The following NRXN1 variants were observed in gnomAD, a reference collection of about 807,000 sequenced individuals.
The protein encoded by NRXN1 is neurexin 1, also known as neurexin-1.
A neutral mutation model predicts 150.9 loss-of-function variants in NRXN1; 39 were observed. That is an observed-to-expected ratio of 0.26 (90% confidence interval 0.20 to 0.34). The LOEUF (loss-of-function observed/expected upper bound fraction) is 0.34, where lower values mean the gene tolerates loss of function less well. NRXN1 is among the 10% of genes least tolerant of loss of function. The pLI is 1.00. For synonymous variants in NRXN1, 924 were observed against 757.0 expected (o/e 1.22, Z -3.62); for missense variants, 1,815 against 1,949.9 (o/e 0.93, Z 1.30).
intron 8 of NRXN1, among the ~76,000 whole-genome samples, chr2:50,598,437 T>A (rs1038098338): frequency 2.4e-4 from 36 of 151,550 alleles, no homozygotes; most frequent in East Asian, 7.8e-4. Flanking sequence ...TAAACTTTTT[T>A]AAATCAGAAA....
intron 2 of NRXN1, among the ~76,000 whole-genome samples, chr2:51,004,106 T>C (rs1251471557): frequency 6.6e-6 from 1 of 151,514 alleles, no homozygotes; most frequent in African/African-American, 2.4e-5. Context: ...GAACCATATA[T>C]CCAGGTTTCC....
intron 17 of NRXN1, among the ~76,000 whole-genome samples, chr2:50,369,684 C>G (rs997029616): frequency 6.6e-6 from 1 of 151,966 alleles, no homozygotes; most frequent in Admixed American, 6.6e-5. Context: ...CTGAAGCTAA[C>G]GGGCATCTTT....
chr2:51,024,826 T>A (rs1166760526), intron 2 of NRXN1, among the ~76,000 whole-genome samples: 1 of 152,208 alleles, frequency 6.6e-6, no homozygotes, highest in Non-Finnish European at 1.5e-5. Context: ...TACTTGTCTG[T>A]TTTTTTCCCT....
At chr2:49,971,788 T>A (rs1414394242) in intron 21 of NRXN1, among the ~76,000 whole-genome samples, 2 of 152,154 alleles carry the variant, frequency 1.3e-5, no homozygotes, top group African/African-American at 4.8e-5. Context: ...TTCTTCAACT[T>A]TGGGAAAACT....
intron 21 of NRXN1, chr2:49,970,746 T>C (rs1477637449): frequency 1.3e-5 from 2 of 152,168 alleles, no homozygotes; most frequent in Admixed American, 1.3e-4. Flanking sequence ...AGTGTCATTA[T>C]ACTATCTTGA....
intron 5 of NRXN1, among the ~76,000 whole-genome samples, chr2:50,921,177 A>G (rs1482214003): frequency 3.3e-5 from 5 of 151,820 alleles, no homozygotes; most frequent in Non-Finnish European, 7.4e-5. Flanking sequence ...TTTAATGACA[A>G]CATTAAACAC....
chr2:50,338,198 G>T (rs138559323), intron 17 of NRXN1, among the ~76,000 whole-genome samples: 1 of 152,126 alleles, frequency 6.6e-6, no homozygotes, highest in African/African-American at 2.4e-5. Context: ...TGACATCCAC[G>T]TGACAAATGA....
At chr2:50,037,877 A>G (rs1047993736) in intron 21 of NRXN1, among the ~76,000 whole-genome samples, 1 of 152,326 alleles carries the variant, frequency 6.6e-6, no homozygotes, top group Admixed American at 6.5e-5. Flanking sequence ...ATTCAGAAAC[A>G]CTGACTCCAA....
At chr2:50,899,273 C>T (rs1682532617) in intron 5 of NRXN1, among the ~76,000 whole-genome samples, 1 of 152,166 alleles carries the variant, frequency 6.6e-6, no homozygotes, top group Non-Finnish European at 1.5e-5. Context: ...GTGCACCTCA[C>T]TCCAATTTCC....
intron 5 of NRXN1, among the ~76,000 whole-genome samples, chr2:50,843,419 G>C (rs1016963006): frequency 1.3e-5 from 2 of 152,172 alleles, no homozygotes; most frequent in Non-Finnish European, 2.9e-5. Context: ...AAGAAAATGA[G>C]ATAGTAATGG....
chr2:50,579,701 T>A (rs569126019), intron 8 of NRXN1, among the ~76,000 whole-genome samples: 29 of 152,036 alleles, frequency 1.9e-4, no homozygotes, highest in Non-Finnish European at 4.0e-4. Flanking sequence ...AGGAAGTGAG[T>A]TGGGAGTTCA....
intron 18 of NRXN1, among the ~76,000 whole-genome samples, chr2:50,224,693 A>AAGAGAGAGAGAGAGAGAG (rs201700032): frequency 2.9e-4 from 38 of 130,498 alleles, no homozygotes; most frequent in Admixed American, 8.5e-4. Flanking sequence ...GAGAGGGAGA[A>AAGAGAGAGAGAGAGAGAG]AGAGAGAGAG....
chr2:50,019,144 C>G (rs935140281), intron 21 of NRXN1: 3 of 469,068 alleles, frequency 6.4e-6, no homozygotes, highest in Admixed American at 4.7e-5. Context: ...GTATAGGGTT[C>G]GATTACTCAT....
At chr2:50,750,306 T>G (rs2105325508) in intron 5 of NRXN1, among the ~76,000 whole-genome samples, 1 of 151,936 alleles carries the variant, frequency 6.6e-6, no homozygotes, top group Non-Finnish European at 1.5e-5. Flanking sequence ...GCTTTTTATT[T>G]ATTTGTGTTT....
chr2:50,322,638 G>T (rs902086240), intron 17 of NRXN1, among the ~76,000 whole-genome samples: 6 of 152,058 alleles, frequency 3.9e-5, no homozygotes, highest in Non-Finnish European at 7.4e-5. Context: ...TTCATTCCTT[G>T]CCTTCACCAA....
chr2:50,971,914 A>AT (rs1452849817), intron 2 of NRXN1, among the ~76,000 whole-genome samples: 1 of 152,188 alleles, frequency 6.6e-6, no homozygotes, highest in Admixed American at 6.5e-5. Context: ...CCAGTTTGAT[A>AT]TAATGGATCC....
chr2:50,091,431 T>C lies in NRXN1; in HGVS notation c.3610A>G (p.Asn1204Asp). Reference sequence around the variant, plus strand: ...TATTTCCCATCATTAATGATTGCATTGGATTCTTCAATGGCGATGTCATCT... The same window carrying C: ...TATTTCCCATCATTAATGATTGCATCGGATTCTTCAATGGCGATGTCATCT... ...GTDDIAIEES[N>D]AIINDGKYHV... The change falls in exon 19 of 23, where the codon AAT (asparagine) becomes GAT (aspartate). Residue 1204 changes from asparagine to aspartate, a missense_variant. Physicochemically the swap from Asn to Asp is conservative, Grantham distance 23 (BLOSUM62 1). Coordinates refer to ENST00000401669, the MANE Select transcript of NRXN1 (RefSeq NM_001330078.2). 1 of 1,614,218 alleles carries C rather than the reference T, an allele frequency of 6.2e-7. No individual in the cohort carries two copies. The highest frequency in any genetic ancestry group is 8.5e-7 in the Non-Finnish European group (1 of 1,180,028).
chr2:50,307,516 T>C (rs931490403), intron 17 of NRXN1, among the ~76,000 whole-genome samples: 7 of 152,210 alleles, frequency 4.6e-5, no homozygotes, highest in Non-Finnish European at 8.8e-5. Flanking sequence ...GCAGAAAGGT[T>C]GCAAATGAAA....
rs1668241208 is a variant in NRXN1, at chr2:49,921,777, A to T, written c.*167T>A. The T allele has an allele frequency of 1.4e-6, 1 of 702,852 alleles. No individual in the cohort carries two copies. The highest frequency in any genetic ancestry group is 2.8e-5 in the East Asian group (1 of 35,358). The allele number at this position is 702,852 out of a possible 1,614,324, so 43.5% of individuals were successfully genotyped here. On this transcript the variant is annotated 3_prime_UTR_variant, in exon 23 of 23. Transcript: ENST00000401669. ...TTTTGTTTTTCTTTTTTGAGAAACA[A>T]GAGCATGAGATACTTGTTTTTATTT... is the stretch of plus-strand genomic sequence containing the variant.
Sources: allele counts gnomAD v4.1 joint callset (sites outside exome capture counted in the v4.1 genomes callset), GRCh38; gene constraint gnomAD v4.1.1; transcripts MANE v1.5; gene names NCBI Gene and HGNC (gene_info 2026-07-23, HGNC 2026-07-21).